The following GALNT9 variants were observed in gnomAD, a reference collection of about 807,000 sequenced individuals.
The protein encoded by GALNT9 is polypeptide N-acetylgalactosaminyltransferase 9.
GALNT9 carries 47 observed loss-of-function variants against 63.1 expected under a neutral mutation model. That is an observed-to-expected ratio of 0.75 (90% CI 0.59 to 0.95). GALNT9 has a LOEUF of 0.95. GALNT9 is among the 40% of genes least tolerant of loss of function. The probability of loss-of-function intolerance (pLI) is 0.00; values close to 1 mark genes in which losing one functional copy is unlikely to be tolerated. For missense variants in GALNT9, 829 were observed against 874.8 expected, an observed-to-expected ratio of 0.95 and a Z score of 0.66; for synonymous variants, 396 against 365.7, an observed-to-expected ratio of 1.08 and a Z score of -0.94.
chr12:132,285,815 G>A lies in GALNT9; in HGVS notation c.419+435C>T, dbSNP rs1312744175. Among the ~76,000 whole-genome samples, 6 of 152,216 alleles carry A rather than the reference G, an allele frequency of 3.9e-5. No individual in the cohort carries two copies. In the East Asian group the frequency reaches 1.2e-3, roughly 29 times the overall value. Reference sequence around the variant, plus strand: ...AGGATGCCCGCAGCCAAAAGTAGGGGAGGGGGAGAGACACAGAGAGATAGA... The same window carrying A: ...AGGATGCCCGCAGCCAAAAGTAGGGAAGGGGGAGAGACACAGAGAGATAGA... On this transcript the variant is annotated intron_variant, in intron 2 of 10. Coordinates refer to ENST00000328957, the MANE Select transcript of GALNT9 (RefSeq NM_001122636.2).
chr12:132,212,017 C>T (rs918412283), intron 6 of GALNT9, among the ~76,000 whole-genome samples: 8 of 152,234 alleles, frequency 5.3e-5, no homozygotes, highest in African/African-American at 7.2e-5. Flanking sequence ...GTGGACACTC[C>T]GCATGGCAGC....
At chr12:132,290,627 TGCCCAC>T (rs1880777502) in intron 1 of GALNT9, among the ~76,000 whole-genome samples, 1 of 36,204 alleles carries the variant, frequency 2.8e-5, no homozygotes, top group Non-Finnish European at 5.2e-5. Context: ...ACAACCACAG[TGCCCAC>T]GTCCACACCA....
At position 132,287,074 on chromosome 12, in the gene GALNT9, C is replaced by T. The variant is rs1286941452; in HGVS notation, c.239-644G>A. Among the ~76,000 whole-genome samples the T allele has an allele frequency of 3.1e-5, 3 of 97,410 alleles. 1 individual carries two copies. The highest frequency in any genetic ancestry group is 8.8e-4 in the South Asian group (2 of 2,260). The allele number at this position is 97,410 out of a possible 152,430, so 63.9% of individuals were successfully genotyped here. A position where few individuals can be genotyped will look rare whatever the true frequency, so the allele number is the denominator to read the frequency against. On this transcript the variant is annotated intron_variant, in intron 1 of 10. Transcript: ENST00000328957. ...CTGAGTGAGCGCCCCCCCCCCCCCC[C>T]GTGAGCCACAGCCCTCAGTGAGTCA...
intron 1 of GALNT9, among the ~76,000 whole-genome samples, chr12:132,309,928 G>A (rs1881753915): frequency 6.6e-6 from 1 of 152,266 alleles, no homozygotes; most frequent in Non-Finnish European, 1.5e-5. Flanking sequence ...ATGGCAGCGG[G>A]CGCAGGTGAA....
chr12:132,212,278 T>G (rs1203932379), intron 6 of GALNT9, among the ~76,000 whole-genome samples: 14 of 31,506 alleles, frequency 4.4e-4, no homozygotes, highest in African/African-American at 6.6e-4. Flanking sequence ...CCCTCAGACC[T>G]CGACACGGAA....
chr12:132,212,184 G>A (rs139292752), intron 6 of GALNT9, among the ~76,000 whole-genome samples: 2,187 of 141,402 alleles, frequency 0.015, no homozygotes, highest in African/African-American at 0.055. Flanking sequence ...ACCCGGGTCT[G>A]CAGCCTTCAG....
intron 6 of GALNT9, chr12:132,240,496 G>C (rs2136898358): frequency 2.4e-6 from 1 of 410,266 alleles, no homozygotes; most frequent in Non-Finnish European, 4.8e-6. Flanking sequence ...CGGACCCCGG[G>C]CGGCACTCAC....
rs139381172 is a variant in GALNT9, at chr12:132,214,941, G to A, written c.1078-11251C>T. 3.2e-4 allele frequency among the ~76,000 whole-genome samples: 48 copies of A among 152,354 alleles called. No homozygotes were observed. The East Asian group carries it at 7.1e-3, about 23-fold the overall frequency. On this transcript the variant is annotated intron_variant, in intron 6 of 10. Coordinates refer to ENST00000328957, the MANE Select transcript of GALNT9 (RefSeq NM_001122636.2). Reference sequence around the variant, plus strand: ...ACAGAGGCCCATCTCACTGTTCTACGCGGATCTGGAAGATTCTGGCTGACA... The same window carrying A: ...ACAGAGGCCCATCTCACTGTTCTACACGGATCTGGAAGATTCTGGCTGACA...
chr12:132,317,704 C>T (rs1416561495), intron 1 of GALNT9, among the ~76,000 whole-genome samples: 2 of 152,216 alleles, frequency 1.3e-5, no homozygotes, highest in East Asian at 1.9e-4. Flanking sequence ...GTAGAGGCTG[C>T]GCCCAGCCCT....
chr12:132,313,899 C>T (rs1224406097), intron 1 of GALNT9, among the ~76,000 whole-genome samples: 2 of 133,454 alleles, frequency 1.5e-5, no homozygotes, highest in Non-Finnish European at 1.6e-5. Context: ...TACATACATA[C>T]GTACATACAC....
At chr12:132,313,522 TTACCCAC>T (rs1881895604) in intron 1 of GALNT9, among the ~76,000 whole-genome samples, 1 of 10,042 alleles carries the variant, frequency 1.0e-4, no homozygotes, top group Non-Finnish European at 1.9e-4. Flanking sequence ...ACCCATCCAC[TTACCCAC>T]CCACCCATCC....
intron 6 of GALNT9, among the ~76,000 whole-genome samples, chr12:132,206,925 T>C (rs1405819610): frequency 6.6e-6 from 1 of 151,460 alleles, no homozygotes; most frequent in East Asian, 1.9e-4. Context: ...ATTAGCCAGG[T>C]GTGGTGGTGC....
chr12:132,196,907 G>A lies in GALNT9; in HGVS notation c.*200C>T. 2 of 1,415,374 alleles carry A rather than the reference G, an allele frequency of 1.4e-6. No homozygotes were observed. Among genetic ancestry groups the A allele is most frequent in the Non-Finnish European group, 1.8e-6 (2 of 1,087,124 alleles). The allele number at this position is 1,415,374 out of a possible 1,614,324, so 87.7% of individuals were successfully genotyped here. ...CGCCCTCCCTCGGGTAGAGCCGCCT[G>A]TCCTAGGAGAAGCTGTACTCCAGAT... On this transcript the variant is annotated 3_prime_UTR_variant, in exon 11 of 11. Coordinates refer to ENST00000328957, the MANE Select transcript of GALNT9 (RefSeq NM_001122636.2).
chr12:132,320,561 A>C (rs2135590962), intron 1 of GALNT9, among the ~76,000 whole-genome samples: 1 of 52,650 alleles, frequency 1.9e-5, no homozygotes, highest in East Asian at 1.0e-3. Context: ...AAATATCAGT[A>C]AACAGAATGG....
intron 6 of GALNT9, among the ~76,000 whole-genome samples, chr12:132,208,119 T>C (rs7487258): frequency 0.8 from 121,183 of 152,250 alleles, 48,363 homozygotes; most frequent in Non-Finnish European, 0.81. Context: ...CCCATCACAG[T>C]CTCAAGGGAA....
rs1374019759 is a variant in GALNT9 at position 132,262,517 on chromosome 12, G to A, written c.528C>T (p.Asn176=). The A allele has an allele frequency of 6.4e-7, 1 of 1,551,472 alleles. No homozygotes were observed. Among genetic ancestry groups the A allele is most frequent in the East Asian group, 2.4e-5 (1 of 40,926 alleles). The change falls in exon 3 of 11, where the codon AAC becomes AAT. Residue 176 remains asparagine (N), a synonymous_variant. Coordinates refer to ENST00000328957, the MANE Select transcript of GALNT9 (RefSeq NM_001122636.2). The part of the protein sequence containing the change: ...VILRSVHSVV[N]HTPSQLLKEV... ...CCTTGAGGAGCTGGGAGGGCGTGTG[G>A]TTGACCACGCTGTGCACGGAGCGCA...
intron 5 of GALNT9, among the ~76,000 whole-genome samples, chr12:132,250,635 C>CA (rs1175934811): frequency 6.6e-6 from 1 of 152,138 alleles, no homozygotes; most frequent in African/African-American, 2.4e-5. Flanking sequence ...ACTAAAAATA[C>CA]AAAAAATTAG....
chr12:132,274,667 C>T (rs1880007676), intron 2 of GALNT9: 2 of 152,284 alleles, frequency 1.3e-5, no homozygotes. Flanking sequence ...CGTCCAAAGC[C>T]TCAGAGCTGT....
intron 6 of GALNT9, among the ~76,000 whole-genome samples, chr12:132,226,731 CCA>C (rs1203196906): frequency 1.4e-5 from 2 of 141,752 alleles, no homozygotes; most frequent in Non-Finnish European, 3.1e-5. Flanking sequence ...AATACACATC[CCA>C]CACACATACA....
Sources: gnomAD v4.1 joint callset for allele counts (sites outside exome capture counted in the v4.1 genomes callset) on GRCh38, gnomAD v4.1.1 for gene constraint, MANE v1.5 for transcripts, NCBI Gene and HGNC (gene_info 2026-07-23, HGNC 2026-07-21) for gene names.